The following SMTNL2 variants were observed in gnomAD, a reference collection of about 807,000 sequenced individuals.
SMTNL2 encodes smoothelin-like protein 2.
Under a neutral mutation model 44.1 loss-of-function variants are expected in SMTNL2, and 43 were observed. That is an observed-to-expected ratio of 0.98 (90% CI 0.76 to 1.26). SMTNL2 has a LOEUF of 1.26. SMTNL2 is among the 50% of genes most tolerant of loss of function. SMTNL2 has a pLI of 0.00. For missense variants in SMTNL2, 646 were observed against 670.2 expected, an observed-to-expected ratio of 0.96 and a Z score of 0.40; for synonymous variants, 317 against 287.6, an observed-to-expected ratio of 1.10 and a Z score of -1.03.
intron 1 of SMTNL2, among the ~76,000 whole-genome samples, chr17:4,591,313 C>T (rs1047502840): frequency 1.3e-5 from 2 of 152,240 alleles, no homozygotes; most frequent in Admixed American, 6.5e-5. Flanking sequence ...GAGGCACAGC[C>T]GACCTCTCAA....
At chr17:4,591,342 G>A (rs1909562606) in intron 1 of SMTNL2, among the ~76,000 whole-genome samples, 2 of 152,234 alleles carry the variant, frequency 1.3e-5, no homozygotes, top group Non-Finnish European at 1.5e-5. Flanking sequence ...TCCTGGGCTC[G>A]TGGTGGAGCC....
chr17:4,601,512 A>ATGATTGAT (rs3080230), intron 7 of SMTNL2, among the ~76,000 whole-genome samples: 27 of 151,854 alleles, frequency 1.8e-4, no homozygotes, highest in South Asian at 8.3e-4. Flanking sequence ...TTCTGTTTGA[A>ATGATTGAT]TGATTGATTG....
At chr17:4,601,007 C>T (rs113079744) in intron 7 of SMTNL2, among the ~76,000 whole-genome samples, 4,680 of 152,330 alleles carry the variant, frequency 0.031, 266 homozygotes, top group African/African-American at 0.11. Flanking sequence ...CCTTACAGGA[C>T]AGCCCTGTGG....
chr17:4,597,397 A>C, intron 7 of SMTNL2, 74 bp downstream of exon 7: 1 of 1,575,074 alleles, frequency 6.3e-7, no homozygotes, highest in Non-Finnish European at 8.6e-7. Context: ...CAGGTGGGGC[A>C]TGGGGGCGAG....
At chr17:4,605,815 G>T (rs1196900281) in intron 7 of SMTNL2, among the ~76,000 whole-genome samples, 2 of 150,878 alleles carry the variant, frequency 1.3e-5, no homozygotes, top group Non-Finnish European at 2.9e-5. Context: ...TCCATCTGGT[G>T]CCCAGGGGAC....
intron 1 of SMTNL2, among the ~76,000 whole-genome samples, chr17:4,590,271 G>T (rs1909520350): frequency 6.6e-6 from 1 of 152,076 alleles, no homozygotes; most frequent in East Asian, 1.9e-4. Flanking sequence ...CTGGCCCCGT[G>T]CCTGGCTTCT....
chr17:4,597,411 G>C, intron 7 of SMTNL2, 88 bp downstream of exon 7: 1 of 1,549,754 alleles, frequency 6.5e-7, no homozygotes, highest in Non-Finnish European at 8.8e-7. Context: ...GGGCGAGTGG[G>C]ATGTCGGGCC....
rs1387482529 is a variant in SMTNL2, at chr17:4,592,846, G to A, written c.488-83G>A. The A allele has an allele frequency of 1.3e-6, 2 of 1,529,310 alleles. No individual in the cohort carries two copies. The highest frequency in any genetic ancestry group is 3.9e-5 in the Admixed American group (2 of 51,770). 94.7% of individuals were successfully genotyped at this position (1,529,310 alleles called of 1,614,324 possible). On this transcript the variant is annotated intron_variant, in intron 2 of 7. Transcript: ENST00000389313. This position sits in a 1 kb window ranked among gnomAD's most constrained non-coding sequence, Gnocchi z 4.5. ...TAGAGGAGGTGGGAGGAGGGCCCAG[G>A]GAGGCTAGAGCCCTCCTGGGAGGTC...
Position 4,596,976 on chromosome 17 carries a change from A to G in SMTNL2, c.1106A>G (p.Gln369Arg). 1 of 1,503,926 alleles carries G rather than the reference A, an allele frequency of 6.6e-7. No homozygotes were observed. Among genetic ancestry groups the G allele is most frequent in the South Asian group, 1.3e-5 (1 of 79,646 alleles). 93.2% of individuals were successfully genotyped at this position (1,503,926 alleles called of 1,614,324 possible). A position where few individuals can be genotyped will look rare whatever the true frequency, so the allele number is the denominator to read the frequency against. Residue 369 changes from glutamine to arginine, a missense_variant and splice_region_variant, in exon 6 of 8, where the codon CAG becomes CGG. Physicochemically the swap from Gln to Arg is conservative, Grantham distance 43. Transcript: ENST00000389313. ...TGCCGCAGCAAGACGCTGGGCTACC[A>G]GGTGAGCCCCGGCTCCCCTCCGGCT... is the stretch of plus-strand genomic sequence containing the variant. ...EWCRSKTLGYQHVDLQNFSSS... is the reference protein window; with the variant it reads ...EWCRSKTLGYRHVDLQNFSSS...
chr17:4,603,430 G>A (rs1239389514), intron 7 of SMTNL2, among the ~76,000 whole-genome samples: 3 of 152,208 alleles, frequency 2.0e-5, no homozygotes, highest in Non-Finnish European at 2.9e-5. Context: ...CACAAATAGC[G>A]TAAGAAATGT....
intron 7 of SMTNL2, among the ~76,000 whole-genome samples, chr17:4,599,360 G>T (rs1158016458): frequency 1.3e-5 from 2 of 152,138 alleles, no homozygotes; most frequent in East Asian, 3.9e-4. Context: ...GCAGGGAGCG[G>T]GCAGCTCATG....
At position 4,607,099 on chromosome 17, in the gene SMTNL2, A is replaced by T. The variant is rs1242309519; in HGVS notation, c.1260-262A>T. Among the ~76,000 whole-genome samples the T allele has an allele frequency of 6.6e-6, 1 of 152,084 alleles. No homozygotes were observed. The highest frequency in any genetic ancestry group is 1.5e-5 in the Non-Finnish European group (1 of 68,008). On this transcript the variant is annotated intron_variant, in intron 7 of 7. Coordinates refer to ENST00000389313, the MANE Select transcript of SMTNL2 (RefSeq NM_001114974.2). This position sits in a 1 kb window ranked among gnomAD's most constrained non-coding sequence, Gnocchi z 4.7. Reference sequence around the variant, plus strand: ...GCCCCTGTCTCTAAAAAAAAAACCCAAATTAAATAAAGTAAGTCTGTTTAA... The same window carrying T: ...GCCCCTGTCTCTAAAAAAAAAACCCTAATTAAATAAAGTAAGTCTGTTTAA...
rs1448903620 is a variant in SMTNL2 at position 4,584,853 on chromosome 17, C to T, written c.248C>T (p.Ala83Val). ...GAGCGCCTGACGCGCCAGGTGGAGG[C>T]GCTGGGCTTGGCCAGCGGGATGTCC... is the stretch of plus-strand genomic sequence containing the variant. The part of the protein sequence containing the change: ...QLERLTRQVE[A>V]LGLASGMSPV... The change falls in exon 1 of 8, where the codon GCG becomes GTG. Residue 83 changes from alanine to valine, a missense_variant. Physicochemically the swap from Ala to Val is moderately conservative, Grantham distance 64. Transcript: ENST00000389313. 6 of 1,323,830 alleles carry T rather than the reference C, an allele frequency of 4.5e-6. No homozygotes were observed. The highest frequency in any genetic ancestry group is 5.8e-6 in the Non-Finnish European group (6 of 1,038,240). The allele number at this position is 1,323,830 out of a possible 1,614,324, so 82.0% of individuals were successfully genotyped here. A position where few individuals can be genotyped will look rare whatever the true frequency, so the allele number is the denominator to read the frequency against.
At chr17:4,593,574 C>T (rs996541299) in intron 3 of SMTNL2, among the ~76,000 whole-genome samples, 2 of 152,234 alleles carry the variant, frequency 1.3e-5, no homozygotes, top group Non-Finnish European at 2.9e-5. Flanking sequence ...GGCACGGGCC[C>T]TGGGCTCTGT....
At chr17:4,602,311 CTTTTTTTTTTTTTTTTT>C (rs35927212) in intron 7 of SMTNL2, among the ~76,000 whole-genome samples, 1,141 of 43,840 alleles carry the variant, frequency 0.026, 18 homozygotes, top group Middle Eastern at 0.036. Context: ...AAGGCAGGTG[CTTTTTTTTTTTTTTTTT>C]TTTTTTTTTT....
chr17:4,603,118 G>A (rs1057340937), intron 7 of SMTNL2, among the ~76,000 whole-genome samples: 3 of 152,214 alleles, frequency 2.0e-5, no homozygotes, highest in Non-Finnish European at 2.9e-5. Context: ...GAGGGTAAAC[G>A]CAGCCTCTAG....
In SMTNL2 at chr17:4,600,216, G is replaced by T. The variant is rs932506098; in HGVS notation, c.1259+2893G>T. Among the ~76,000 whole-genome samples the T allele has an allele frequency of 4.6e-5, 7 of 152,230 alleles. No individual in the cohort carries two copies. Among genetic ancestry groups the T allele is most frequent in the Admixed American group, 1.3e-4 (2 of 15,288 alleles). On this transcript the variant is annotated intron_variant, in intron 7 of 7. Coordinates refer to ENST00000389313, the MANE Select transcript of SMTNL2 (RefSeq NM_001114974.2). The surrounding 1 kb of genome is among the most constrained non-coding windows in gnomAD (Gnocchi z 4.7). ...ACCTCATTTGTTGGACAATAGGCTG[G>T]TTAGAAGAGCTGGCAGGAAAGCGCA...
At position 4,600,262 on chromosome 17, in the gene SMTNL2, C is replaced by G. The variant is rs569449656; in HGVS notation, c.1259+2939C>G. Among the ~76,000 whole-genome samples, 249 of 152,314 alleles carry G rather than the reference C, an allele frequency of 1.6e-3. 1 individual carries two copies. The highest frequency in any genetic ancestry group is 6.8e-3 in the Middle Eastern group (2 of 294). ...GCGCAGGGACACCTGCCTGAGGGTA[C>G]TAGCTGTCAGTGTCCTCACCGATGT... On this transcript the variant is annotated intron_variant, in intron 7 of 7. Coordinates refer to ENST00000389313, the MANE Select transcript of SMTNL2 (RefSeq NM_001114974.2). This position sits in a 1 kb window ranked among gnomAD's most constrained non-coding sequence, Gnocchi z 4.7.
chr17:4,600,604 C>T lies in SMTNL2; in HGVS notation c.1259+3281C>T, dbSNP rs1319243500. ...GATAATTTATGGTCCCAGAGATTCC[C>T]GGTGGCCTAATCTGTGTGAATGATG... On this transcript the variant is annotated intron_variant, in intron 7 of 7. Transcript: ENST00000389313. The surrounding 1 kb of genome is among the most constrained non-coding windows in gnomAD (Gnocchi z 4.7). Among the ~76,000 whole-genome samples, 1 of 152,170 alleles carries T rather than the reference C, an allele frequency of 6.6e-6. No homozygotes were observed. The highest frequency in any genetic ancestry group is 1.5e-5 in the Non-Finnish European group (1 of 68,030).
Sources: gnomAD v4.1 joint callset for allele counts (sites outside exome capture counted in the v4.1 genomes callset) on GRCh38, gnomAD v4.1.1 for gene constraint, Gnocchi (gnomAD v3.1) non-coding constraint, MANE v1.5 for transcripts, NCBI Gene and HGNC (gene_info 2026-07-23, HGNC 2026-07-21) for gene names.